LRP1B: variants seen among roughly 807,000 people sequenced by gnomAD.
LRP1B encodes the protein LDL receptor related protein 1B, also known as low-density lipoprotein receptor-related protein 1B.
Under a neutral mutation model 556.6 loss-of-function variants are expected in LRP1B, and 217 were observed. That is an observed-to-expected ratio of 0.39 (90% confidence interval 0.35 to 0.44). The LOEUF (loss-of-function observed/expected upper bound fraction) is 0.44, where lower values mean the gene tolerates loss of function less well. Among genes scored for constraint, LRP1B ranks in the 20% least tolerant of loss-of-function variants. The pLI is 1.00. For missense variants in LRP1B, 5,053 were observed against 5,620.8 expected (o/e 0.90, Z 3.23); for synonymous variants, 2,047 against 1,865.8 (o/e 1.10, Z -2.50).
intron 66 of LRP1B, among the ~76,000 whole-genome samples, chr2:140,423,958 T>A (rs1431981332): frequency 6.6e-6 from 1 of 152,176 alleles, no homozygotes. Context: ...GTATTTATAT[T>A]AATTCATTCT....
intron 43 of LRP1B, among the ~76,000 whole-genome samples, chr2:140,544,427 A>G (rs1346431099): frequency 6.6e-6 from 1 of 151,872 alleles, no homozygotes; most frequent in Non-Finnish European, 1.5e-5. Context: ...GGGATTTAGT[A>G]CCCACTGATT....
intron 84 of LRP1B, among the ~76,000 whole-genome samples, chr2:140,291,325 T>TATA (rs1449270404): frequency 6.8e-5 from 9 of 132,650 alleles, no homozygotes; most frequent in Non-Finnish European, 1.2e-4. Context: ...TATATTTTTA[T>TATA]TATACTTTAA....
chr2:141,018,017 T>A (rs1215496983), intron 12 of LRP1B, among the ~76,000 whole-genome samples: 3 of 148,290 alleles, frequency 2.0e-5, no homozygotes, highest in African/African-American at 5.0e-5. Flanking sequence ...AAAAAAAAAA[T>A]TATGAAAGCT....
chr2:141,130,372 T>C (rs2105024454), intron 7 of LRP1B, among the ~76,000 whole-genome samples: 1 of 152,244 alleles, frequency 6.6e-6, no homozygotes, highest in Middle Eastern at 3.4e-3. Flanking sequence ...ATTAAAATTA[T>C]ATTTCATACT....
intron 41 of LRP1B, among the ~76,000 whole-genome samples, chr2:140,632,655 T>A (rs1384031796): frequency 1.3e-5 from 2 of 152,150 alleles, no homozygotes; most frequent in Admixed American, 1.3e-4. Context: ...TTAAACAAAC[T>A]GTGTCAATAA....
intron 7 of LRP1B, among the ~76,000 whole-genome samples, chr2:141,103,685 A>G (rs1700526481): frequency 6.7e-6 from 1 of 148,582 alleles, no homozygotes; most frequent in African/African-American, 2.5e-5. Context: ...CAACTGTGAA[A>G]AAAAAAGAAA....
intron 49 of LRP1B, among the ~76,000 whole-genome samples, chr2:140,521,624 C>G (rs1330784688): frequency 6.6e-6 from 1 of 151,960 alleles, no homozygotes; most frequent in Admixed American, 6.6e-5. Context: ...AGCAACTACA[C>G]AAATGACACT....
chr2:140,394,124 ATT>A (rs34965660), intron 66 of LRP1B, among the ~76,000 whole-genome samples: 3,192 of 122,434 alleles, frequency 0.026, 102 homozygotes, highest in African/African-American at 0.091. Flanking sequence ...ACTGGCACAT[ATT>A]TTTTTTTTTT....
rs747852649 is a variant in LRP1B, at chr2:141,571,202, C to A, written c.206-90669G>T. On this transcript the variant is annotated intron_variant, in intron 2 of 90. Transcript: ENST00000389484. ...AGATCAGAGGTCCCAGAAGAAGGAG[C>A]AGTCACCCACATTTGCTGTTCTCCA... Among the ~76,000 whole-genome samples the A allele has an allele frequency of 1.3e-5, 2 of 151,068 alleles. 1 individual carries two copies. The highest frequency in any genetic ancestry group is 3.0e-5 in the Non-Finnish European group (2 of 67,408).
intron 1 of LRP1B, among the ~76,000 whole-genome samples, chr2:142,030,824 G>T (rs1324826753): frequency 6.6e-6 from 1 of 151,810 alleles, no homozygotes; most frequent in Non-Finnish European, 1.5e-5. Context: ...AATTGGGGCT[G>T]GTTGTTCTAA....
intron 2 of LRP1B, among the ~76,000 whole-genome samples, chr2:141,526,771 G>T (rs985203341): frequency 7.2e-5 from 11 of 151,914 alleles, no homozygotes; most frequent in Admixed American, 4.6e-4. Context: ...TTAATGCTTT[G>T]CCCAAGCTTC....
chr2:140,603,490 G>T (rs986705803), intron 41 of LRP1B, among the ~76,000 whole-genome samples: 2 of 152,024 alleles, frequency 1.3e-5, no homozygotes, highest in Non-Finnish European at 1.5e-5. Flanking sequence ...ATGAGAAATG[G>T]CATAGCTCTG....
intron 20 of LRP1B, among the ~76,000 whole-genome samples, chr2:140,948,046 G>A (rs1174327953): frequency 6.6e-6 from 1 of 152,152 alleles, no homozygotes; most frequent in African/African-American, 2.4e-5. Flanking sequence ...ACAAAGAGGT[G>A]TGCCACTAAC....
intron 5 of LRP1B, among the ~76,000 whole-genome samples, chr2:141,239,506 A>G (rs563246595): frequency 6.6e-6 from 1 of 152,140 alleles, no homozygotes; most frequent in African/African-American, 2.4e-5. Flanking sequence ...GACCTAAGAG[A>G]AAAGAAAATA....
intron 1 of LRP1B, among the ~76,000 whole-genome samples, chr2:141,902,580 T>G (rs886573437): frequency 6.6e-6 from 1 of 152,006 alleles, no homozygotes; most frequent in African/African-American, 2.4e-5. Context: ...ACAATTTCTG[T>G]GCCAGTATTG....
At chr2:140,435,898 A>T (rs896269304) in intron 66 of LRP1B, among the ~76,000 whole-genome samples, 1 of 152,044 alleles carries the variant, frequency 6.6e-6, no homozygotes, top group Admixed American at 6.6e-5. Flanking sequence ...CAACGGTTCT[A>T]TTGGAACCAA....
At position 141,613,846 on chromosome 2, in the gene LRP1B, G is replaced by T. The variant is rs180747899; in HGVS notation, c.206-133313C>A. On this transcript the variant is annotated intron_variant, in intron 2 of 90. Transcript: ENST00000389484. ...CCAGCACTTTGGGAGGCCAAGGCAG[G>T]TGGATCACCTTAAGTCGGGAGTTCA... 9.9e-4 allele frequency among the ~76,000 whole-genome samples: 150 copies of T among 152,110 alleles called. 1 individual carries two copies. Among genetic ancestry groups the T allele is most frequent in the East Asian group, 2.5e-3 (13 of 5,172 alleles).
At chr2:141,268,187 A>G (rs1055633984) in intron 3 of LRP1B, among the ~76,000 whole-genome samples, 1 of 152,192 alleles carries the variant, frequency 6.6e-6, no homozygotes, top group African/African-American at 2.4e-5. Context: ...GTTAAATGTA[A>G]CAACTGAACA....
chr2:141,417,513 C>T (rs920300636), intron 3 of LRP1B, among the ~76,000 whole-genome samples: 1 of 152,190 alleles, frequency 6.6e-6, no homozygotes, highest in Non-Finnish European at 1.5e-5. Context: ...AACATTCTTT[C>T]ACTTAGCATA....
Sources: gnomAD v4.1 joint callset for allele counts (sites outside exome capture counted in the v4.1 genomes callset) on GRCh38, gnomAD v4.1.1 for gene constraint, MANE v1.5 for transcripts, NCBI Gene and HGNC (gene_info 2026-07-23, HGNC 2026-07-21) for gene names.